The following PPARA variants were observed in gnomAD, a reference collection of about 807,000 sequenced individuals.
The protein encoded by PPARA is peroxisome proliferator activated receptor alpha, also known as peroxisome proliferator-activated receptor alpha.
Under a neutral mutation model 42.2 loss-of-function variants are expected in PPARA, and 22 were observed. That is an observed-to-expected ratio of 0.52 (90% confidence interval 0.37 to 0.74). PPARA has a LOEUF of 0.74. Ranked by LOEUF, PPARA falls within the 30% of genes least tolerant of loss-of-function variation. PPARA has a pLI of 0.00. For missense variants in PPARA, 465 were observed against 608.2 expected (o/e 0.76, Z 2.48); for synonymous variants, 242 against 239.3 (o/e 1.01, Z -0.10).
At chr22:46,213,896 T>G (rs1934189220) in intron 4 of PPARA, among the ~76,000 whole-genome samples, 1 of 152,180 alleles carries the variant, frequency 6.6e-6, no homozygotes, top group African/African-American at 2.4e-5. Flanking sequence ...GCCCCCATTT[T>G]TCAATTGAGT....
Position 46,161,099 on chromosome 22 carries a change from C to T in PPARA, c.-127+9129C>T, listed in dbSNP as rs111546346. 2.6e-5 allele frequency among the ~76,000 whole-genome samples: 4 copies of T among 152,202 alleles called. No homozygotes were observed. The highest frequency in any genetic ancestry group is 9.6e-5 in the African/African-American group (4 of 41,530). Reference sequence around the variant, plus strand: ...ATAAGACTTAAAAGAAACAAGAACCCAGAGGGAAAATATGGCCATGGACTC... The same window carrying T: ...ATAAGACTTAAAAGAAACAAGAACCTAGAGGGAAAATATGGCCATGGACTC... On this transcript the variant is annotated intron_variant, in intron 2 of 8. Transcript: ENST00000407236. This position sits in a 1 kb window ranked among gnomAD's most constrained non-coding sequence, Gnocchi z 4.8.
rs1260524236 is a variant in PPARA, at chr22:46,183,367, A to G, written c.-43+6531A>G. Among the ~76,000 whole-genome samples the G allele has an allele frequency of 6.6e-6, 1 of 152,266 alleles. No individual in the cohort carries two copies. The highest frequency in any genetic ancestry group is 1.5e-5 in the Non-Finnish European group (1 of 68,050). ...TCTAAACTTGACTGAAGACTCCAAG[A>G]GAGAGTAATATTCATCAAGAGGATC... On this transcript the variant is annotated intron_variant, in intron 3 of 8. Coordinates refer to ENST00000407236, the MANE Select transcript of PPARA (RefSeq NM_005036.6). The surrounding 1 kb of genome is among the most constrained non-coding windows in gnomAD (Gnocchi z 5.5).
intron 5 of PPARA, among the ~76,000 whole-genome samples, chr22:46,215,806 C>G (rs991213709): frequency 2.6e-5 from 4 of 152,058 alleles, no homozygotes; most frequent in African/African-American, 9.7e-5. Flanking sequence ...ATTAGCCTCT[C>G]TTTATAGCAC....
intron 3 of PPARA, among the ~76,000 whole-genome samples, chr22:46,186,982 TC>T (rs1323055792): frequency 6.6e-6 from 1 of 152,106 alleles, no homozygotes; most frequent in Non-Finnish European, 1.5e-5. Flanking sequence ...GGTCTCTTCC[TC>T]TCTCTCTCAG....
chr22:46,229,493 A>G (rs968534747), intron 7 of PPARA, among the ~76,000 whole-genome samples: 1 of 151,744 alleles, frequency 6.6e-6, no homozygotes, highest in Admixed American at 6.6e-5. Context: ...GCGGAGGCAG[A>G]GGTTGCAATG....
chr22:46,186,246 G>A lies in PPARA; in HGVS notation c.-43+9410G>A, dbSNP rs1034737644. ...CTGCATCATTTTATTTAAGTAATGCGAAGTCCTTGACATGTCTCAGACATT... is the reference window on the plus strand; with the variant it reads ...CTGCATCATTTTATTTAAGTAATGCAAAGTCCTTGACATGTCTCAGACATT... On this transcript the variant is annotated intron_variant, in intron 3 of 8. Transcript: ENST00000407236. Among the ~76,000 whole-genome samples, 19 of 151,946 alleles carry A rather than the reference G, an allele frequency of 1.3e-4. 1 individual carries two copies. Among genetic ancestry groups the A allele is most frequent in the South Asian group, 2.1e-4 (1 of 4,804 alleles).
Position 46,173,947 on chromosome 22 carries a change from G to C in PPARA, c.-126-2806G>C, listed in dbSNP as rs147577377. 1.0e-3 allele frequency among the ~76,000 whole-genome samples: 154 copies of C among 151,688 alleles called. No individual in the cohort carries two copies. Among genetic ancestry groups the C allele is most frequent in the African/African-American group, 3.5e-3 (143 of 41,134 alleles). Reference sequence around the variant, plus strand: ...GGGCTAGGTGCAGTGGCTCATGCCTGTAATCCCAGCACTTTGGGAGGCCGA... The same window carrying C: ...GGGCTAGGTGCAGTGGCTCATGCCTCTAATCCCAGCACTTTGGGAGGCCGA... On this transcript the variant is annotated intron_variant, in intron 2 of 8. Coordinates refer to ENST00000407236, the MANE Select transcript of PPARA (RefSeq NM_005036.6). This position sits in a 1 kb window ranked among gnomAD's most constrained non-coding sequence, Gnocchi z 4.3.
intron 3 of PPARA, among the ~76,000 whole-genome samples, chr22:46,181,115 T>C (rs554186720): frequency 1.5e-3 from 226 of 152,222 alleles, no homozygotes; most frequent in Non-Finnish European, 2.2e-3. Flanking sequence ...CAGATGAAAC[T>C]TACACCTTAG....
At chr22:46,172,145 T>C (rs542319480) in intron 2 of PPARA, among the ~76,000 whole-genome samples, 9 of 151,924 alleles carry the variant, frequency 5.9e-5, no homozygotes, top group Admixed American at 2.6e-4. Flanking sequence ...GAAGAGCCCA[T>C]CCCCAGGAGG....
chr22:46,210,785 G>C (rs1402511515), intron 4 of PPARA, among the ~76,000 whole-genome samples: 1 of 152,174 alleles, frequency 6.6e-6, no homozygotes, highest in Non-Finnish European at 1.5e-5. Flanking sequence ...ACTTTATTGG[G>C]TGATGGATAT....
Position 46,243,645 on chromosome 22 carries a change from G to A in PPARA, c.*8265G>A, listed in dbSNP as rs536176164. 4 of 152,608 alleles carry A rather than the reference G, an allele frequency of 2.6e-5. No homozygotes were observed. Among genetic ancestry groups the A allele is most frequent in the Non-Finnish European group, 4.4e-5 (3 of 68,018 alleles). 9.5% of individuals were successfully genotyped at this position (152,608 alleles called of 1,614,324 possible). A position where few individuals can be genotyped will look rare whatever the true frequency, so the allele number is the denominator to read the frequency against. On this transcript the variant is annotated 3_prime_UTR_variant, in exon 9 of 9. Coordinates refer to ENST00000407236, the MANE Select transcript of PPARA (RefSeq NM_005036.6). This position sits in a 1 kb window ranked among gnomAD's most constrained non-coding sequence, Gnocchi z 5.0. ...ATTGATTTATATCCTGAATATATGG[G>A]AACTTCTGTGTTTGGGATGTCCTAC...
rs1934515176 is a variant in PPARA at position 46,216,605 on chromosome 22, G to C, written c.369+1272G>C. Among the ~76,000 whole-genome samples, 1 of 152,178 alleles carries C rather than the reference G, an allele frequency of 6.6e-6. No homozygotes were observed. The highest frequency in any genetic ancestry group is 1.5e-5 in the Non-Finnish European group (1 of 68,020). Reference sequence around the variant, plus strand: ...GCAGCAGGGACTGGAACCAGAGACTGGCTGCTCCTGCTCCCCAGCAGTTCC... The same window carrying C: ...GCAGCAGGGACTGGAACCAGAGACTCGCTGCTCCTGCTCCCCAGCAGTTCC... On this transcript the variant is annotated intron_variant, in intron 5 of 8. Transcript: ENST00000407236. The surrounding 1 kb of genome is among the most constrained non-coding windows in gnomAD (Gnocchi z 4.5).
At position 46,219,836 on chromosome 22, in the gene PPARA, G is replaced by C; in HGVS notation, c.533G>C (p.Arg178Thr). The C allele has an allele frequency of 6.2e-7, 1 of 1,614,204 alleles. No homozygotes were observed. The highest frequency in any genetic ancestry group is 8.5e-7 in the Non-Finnish European group (1 of 1,180,046). The change falls in exon 7 of 9, where the codon AGA (arginine) becomes ACA (threonine). Residue 178 changes from arginine (R) to threonine (T), a missense_variant. Arg to Thr is a moderately conservative substitution (Grantham distance 71, BLOSUM62 -1). Coordinates refer to ENST00000407236, the MANE Select transcript of PPARA (RefSeq NM_005036.6). The surrounding 1 kb of genome is among the most constrained non-coding windows in gnomAD (Gnocchi z 4.8). ...GCGATTCGTTTTGGACGAATGCCAA[G>C]ATCTGAGAAAGCAAAACTGAAAGCA... is the stretch of plus-strand genomic sequence containing the variant. ...HNAIRFGRMP[R>T]SEKAKLKAEI...
chr22:46,159,382 G>C (rs1425731593), intron 2 of PPARA, among the ~76,000 whole-genome samples: 1 of 152,192 alleles, frequency 6.6e-6, no homozygotes, highest in East Asian at 1.9e-4. Context: ...TTGTGAAGCA[G>C]CGTATTTTGC....
rs1936417804 is a variant in PPARA at position 46,243,005 on chromosome 22, C to T, written c.*7625C>T. On this transcript the variant is annotated 3_prime_UTR_variant, in exon 9 of 9. Coordinates refer to ENST00000407236, the MANE Select transcript of PPARA (RefSeq NM_005036.6). This position sits in a 1 kb window ranked among gnomAD's most constrained non-coding sequence, Gnocchi z 5.0. ...GGGAACTGTTACCTATGGGTTATTA[C>T]CAAAGAACGCTGGCAATTGGAAATG... 1 of 152,614 alleles carries T rather than the reference C, an allele frequency of 6.6e-6. No individual in the cohort carries two copies. Among genetic ancestry groups the T allele is most frequent in the African/African-American group, 2.4e-5 (1 of 41,432 alleles). 9.5% of individuals were successfully genotyped at this position (152,614 alleles called of 1,614,324 possible).
chr22:46,226,747 C>T (rs1935491759), intron 7 of PPARA, among the ~76,000 whole-genome samples: 1 of 152,092 alleles, frequency 6.6e-6, no homozygotes, highest in Non-Finnish European at 1.5e-5. Context: ...GTGGTGTGCG[C>T]CTGTGGTTCC....
At chr22:46,205,066 G>A (rs1933093043) in intron 4 of PPARA, among the ~76,000 whole-genome samples, 1 of 151,064 alleles carries the variant, frequency 6.6e-6, no homozygotes, top group Non-Finnish European at 1.5e-5. Context: ...GACTCGTTAT[G>A]TTGCCAGGGG....
chr22:46,174,692 C>T (rs1389973830), intron 2 of PPARA, among the ~76,000 whole-genome samples: 2 of 152,082 alleles, frequency 1.3e-5, no homozygotes, highest in Admixed American at 6.6e-5. Context: ...TGGTTCGTGC[C>T]TGTAGTCCTA....
At position 46,226,323 on chromosome 22, in the gene PPARA, G is replaced by A. The variant is rs147297330; in HGVS notation, c.712-5469G>A. ...GCACCTTCCAAAAAATGAGTGTGGT[G>A]TTCAGTTAAACAACCAAATAATTCT... On this transcript the variant is annotated intron_variant, in intron 7 of 8. Coordinates refer to ENST00000407236, the MANE Select transcript of PPARA (RefSeq NM_005036.6). 2.6e-5 allele frequency among the ~76,000 whole-genome samples: 4 copies of A among 152,326 alleles called. No individual in the cohort carries two copies. In the East Asian group the frequency reaches 7.7e-4, roughly 29 times the overall value.
Sources: allele counts gnomAD v4.1 joint callset (sites outside exome capture counted in the v4.1 genomes callset), GRCh38; gene constraint gnomAD v4.1.1; non-coding constraint Gnocchi (gnomAD v3.1); transcripts MANE v1.5; gene names NCBI Gene and HGNC (gene_info 2026-07-23, HGNC 2026-07-21).